Variants in SLCO3A1 observed in about 807,000 individuals in gnomAD.
The protein encoded by SLCO3A1 is PGE1 transporter.
A neutral mutation model predicts 63.1 loss-of-function variants in SLCO3A1; 27 were observed. The ratio of observed to expected loss-of-function variants is 0.43; its 90% CI spans 0.32 to 0.59. The LOEUF (loss-of-function observed/expected upper bound fraction) is 0.59, where lower values mean the gene tolerates loss of function less well. Ranked by LOEUF, SLCO3A1 falls within the 20% of genes least tolerant of loss-of-function variation. The pLI is 0.09. For missense variants in SLCO3A1, 773 were observed against 945.8 expected, an observed-to-expected ratio of 0.82 and a Z score of 2.40; for synonymous variants, 473 against 409.9, an observed-to-expected ratio of 1.15 and a Z score of -1.86.
At chr15:91,962,525 A>G (rs1900488551) in intron 2 of SLCO3A1, among the ~76,000 whole-genome samples, 1 of 147,476 alleles carries the variant, frequency 6.8e-6, no homozygotes, top group African/African-American at 2.5e-5. Context: ...CTGTGGCCTG[A>G]GAAAGAAAAC....
chr15:92,089,806 T>C (rs546807589), intron 2 of SLCO3A1, among the ~76,000 whole-genome samples: 77 of 152,316 alleles, frequency 5.1e-4, no homozygotes, highest in African/African-American at 1.8e-3. Flanking sequence ...CCTAGACTAA[T>C]CTGTCATGGG....
At chr15:92,154,274 G>A (rs547362183) in intron 9 of SLCO3A1, among the ~76,000 whole-genome samples, 2 of 152,338 alleles carry the variant, frequency 1.3e-5, no homozygotes, top group African/African-American at 4.8e-5. Context: ...CCACTCCTAA[G>A]AAAGTCTTGG....
chr15:91,896,840 T>C (rs1482379589), intron 1 of SLCO3A1, among the ~76,000 whole-genome samples: 1 of 152,240 alleles, frequency 6.6e-6, no homozygotes, highest in East Asian at 1.9e-4. Context: ...TTATGTAAGA[T>C]GTTTATCATC....
intron 2 of SLCO3A1, among the ~76,000 whole-genome samples, chr15:92,073,837 C>A (rs2047244398): frequency 6.6e-6 from 1 of 152,220 alleles, no homozygotes; most frequent in Non-Finnish European, 1.5e-5. Context: ...CCCTGGCGGG[C>A]AAAGTTGCCA....
At chr15:91,869,285 C>T (rs1460375343) in intron 1 of SLCO3A1, among the ~76,000 whole-genome samples, 1 of 152,048 alleles carries the variant, frequency 6.6e-6, no homozygotes, top group African/African-American at 2.4e-5. Context: ...TCTGTAATCC[C>T]AGCACTTTGG....
At chr15:91,964,671 G>C (rs1399651714) in intron 2 of SLCO3A1, among the ~76,000 whole-genome samples, 2 of 152,124 alleles carry the variant, frequency 1.3e-5, no homozygotes, top group African/African-American at 4.8e-5. Context: ...CTCTGGTAGA[G>C]AAAGAGAGTT....
At chr15:91,970,477 C>T (rs967279583) in intron 2 of SLCO3A1, among the ~76,000 whole-genome samples, 20 of 152,130 alleles carry the variant, frequency 1.3e-4, no homozygotes, top group African/African-American at 4.8e-4. Context: ...AGTCAACACA[C>T]GAGAGTCAAC....
At chr15:91,970,106 A>C (rs568170442) in intron 2 of SLCO3A1, among the ~76,000 whole-genome samples, 2 of 152,062 alleles carry the variant, frequency 1.3e-5, no homozygotes, top group Admixed American at 6.5e-5. Flanking sequence ...AACAAAAAAA[A>C]CTTACAGCCT....
intron 2 of SLCO3A1, among the ~76,000 whole-genome samples, chr15:92,020,104 A>T (rs1463691786): frequency 6.6e-6 from 1 of 152,144 alleles, no homozygotes; most frequent in East Asian, 1.9e-4. Context: ...TTCAGTTGTT[A>T]TATATCTGGG....
In SLCO3A1 at chr15:92,162,901, C is replaced by T. The variant is rs2048457764; in HGVS notation, c.1899C>T (p.Leu633=). The change falls in exon 10 of 10, where the codon CTC becomes CTT. Residue 633 remains leucine (L), a synonymous_variant. Transcript: ENST00000318445. ...TGTATGTCAGCATCGCCATCGCGCT[C>T]AAATCCTTCGCCTTCATCCTGTACA... ...RYLYVSIAIA[L]KSFAFILYTT... 6.2e-7 allele frequency: 1 copy of T among 1,614,096 alleles called. No homozygotes were observed. Among genetic ancestry groups the T allele is most frequent in the African/African-American group, 1.3e-5 (1 of 74,928 alleles).
At chr15:92,145,810 C>G (rs1022193182) in intron 7 of SLCO3A1, among the ~76,000 whole-genome samples, 1 of 152,270 alleles carries the variant, frequency 6.6e-6, no homozygotes, top group East Asian at 1.9e-4. Context: ...GGGTGGAGCC[C>G]CAGCGTACGT....
At chr15:92,102,367 T>C (rs2047615893) in intron 3 of SLCO3A1, among the ~76,000 whole-genome samples, 1 of 152,238 alleles carries the variant, frequency 6.6e-6, no homozygotes, top group African/African-American at 2.4e-5. Context: ...TTCTCATTTA[T>C]ATACATATAT....
intron 2 of SLCO3A1, among the ~76,000 whole-genome samples, chr15:91,955,774 C>T (rs1294464339): frequency 6.6e-6 from 1 of 152,112 alleles, no homozygotes; most frequent in African/African-American, 2.4e-5. Context: ...GTGCATATAC[C>T]ATTAATAAAG....
chr15:91,976,714 G>C (rs181284574), intron 2 of SLCO3A1, among the ~76,000 whole-genome samples: 1 of 152,216 alleles, frequency 6.6e-6, no homozygotes, highest in Admixed American at 6.5e-5. Flanking sequence ...AAAGTTGGGC[G>C]TCCGGGGGAG....
At chr15:91,873,816 A>G (rs1897334316) in intron 1 of SLCO3A1, among the ~76,000 whole-genome samples, 1 of 152,148 alleles carries the variant, frequency 6.6e-6, no homozygotes, top group African/African-American at 2.4e-5. Context: ...CTCTATACCT[A>G]GCTTTCTCTG....
Position 91,854,213 on chromosome 15 carries a change from A to T in SLCO3A1, c.180+125A>T. The T allele has an allele frequency of 8.9e-7, 1 of 1,129,008 alleles. No individual in the cohort carries two copies. The highest frequency in any genetic ancestry group is 1.1e-6 in the Non-Finnish European group (1 of 883,806). 69.9% of individuals were successfully genotyped at this position (1,129,008 alleles called of 1,614,324 possible). ...CGGGCATGACCTCGGCCCGGCGTGG[A>T]GGTTGGCGAGTGGTGCAGAGGCGGC... is the stretch of plus-strand genomic sequence containing the variant. On this transcript the variant is annotated intron_variant, in intron 1 of 9. Transcript: ENST00000318445. This position sits in a 1 kb window ranked among gnomAD's most constrained non-coding sequence, Gnocchi z 6.4.
chr15:92,128,573 C>A (rs2047955105), intron 7 of SLCO3A1, 84 bp downstream of exon 7: 16 of 1,282,196 alleles, frequency 1.2e-5, no homozygotes, highest in Non-Finnish European at 1.6e-5. Flanking sequence ...AGGTTGTTCG[C>A]CTTCCCTGTG....
chr15:92,166,038 GT>G (rs1567159015), downstream of SLCO3A1: 1 of 339,046 alleles, frequency 2.9e-6, no homozygotes, highest in Non-Finnish European at 4.1e-6. Context: ...GAAGGTTTGG[GT>G]TTTGTTTTGT....
At chr15:91,867,888 T>A (rs974641244) in intron 1 of SLCO3A1, among the ~76,000 whole-genome samples, 6 of 152,102 alleles carry the variant, frequency 3.9e-5, no homozygotes, top group Non-Finnish European at 7.4e-5. Context: ...GTTGTGTGAG[T>A]CAGGTCAGGA....
Sources: gnomAD v4.1 joint callset for allele counts (sites outside exome capture counted in the v4.1 genomes callset) on GRCh38, gnomAD v4.1.1 for gene constraint, Gnocchi (gnomAD v3.1) non-coding constraint, MANE v1.5 for transcripts, NCBI Gene and HGNC (gene_info 2026-07-23, HGNC 2026-07-21) for gene names.